The following BAZ2B variants were observed in gnomAD, a reference collection of about 807,000 sequenced individuals.
The protein encoded by BAZ2B is bromodomain adjacent to zinc finger domain protein 2B.
BAZ2B carries 91 observed loss-of-function variants against 246.0 expected under a neutral mutation model. The observed-to-expected ratio is 0.37, with a 90% CI of 0.31 to 0.44. The LOEUF is 0.44. Among genes scored for constraint, BAZ2B ranks in the 20% least tolerant of loss-of-function variants. The probability of loss-of-function intolerance (pLI) is 1.00; values close to 1 mark genes in which losing one functional copy is unlikely to be tolerated. For synonymous variants in BAZ2B, 855 were observed against 860.0 expected (o/e 0.99, Z 0.10); for missense variants, 2,332 against 2,533.7 (o/e 0.92, Z 1.71).
intron 33 of BAZ2B, among the ~76,000 whole-genome samples, chr2:159,336,114 T>C (rs1307263186): frequency 2.0e-5 from 3 of 152,176 alleles, no homozygotes; most frequent in East Asian, 1.9e-4. Context: ...TGAGCCAAGA[T>C]TGTGCCACTG....
chr2:159,703,067 A>G, the BAZ2B span, among the ~76,000 whole-genome samples: 1 of 137,370 alleles, frequency 7.3e-6, no homozygotes, highest in African/African-American at 2.8e-5. Flanking sequence ...AAAAACAAAC[A>G]AAACAAAAAC....
chr2:159,635,090 C>G, the BAZ2B span, among the ~76,000 whole-genome samples: 1 of 152,084 alleles, frequency 6.6e-6, no homozygotes, highest in African/African-American at 2.4e-5. Context: ...AATTTTGTGG[C>G]AACTTTAATG....
the BAZ2B span, among the ~76,000 whole-genome samples, chr2:159,669,459 T>C: frequency 6.6e-6 from 1 of 152,178 alleles, no homozygotes; most frequent in Non-Finnish European, 1.5e-5. Context: ...ATCAAATCGG[T>C]TCAAATCTTC....
At chr2:159,569,826 T>TA (rs920617911) in intron 1 of BAZ2B, among the ~76,000 whole-genome samples, 13 of 146,426 alleles carry the variant, frequency 8.9e-5, no homozygotes, top group Admixed American at 2.7e-4. Flanking sequence ...GCCTGTCTCA[T>TA]AAAAAAAAAA....
intron 14 of BAZ2B, among the ~76,000 whole-genome samples, chr2:159,408,969 G>C (rs1338384260): frequency 6.6e-6 from 1 of 150,632 alleles, no homozygotes; most frequent in Non-Finnish European, 1.5e-5. Flanking sequence ...ATACAGAGGA[G>C]AGAGAATGAG....
chr2:159,580,787 G>T (rs1056856068), intron 1 of BAZ2B, among the ~76,000 whole-genome samples: 3 of 152,066 alleles, frequency 2.0e-5, no homozygotes, highest in African/African-American at 7.2e-5. Flanking sequence ...TCTGATCTTT[G>T]ACAAACCTGA....
chr2:159,576,177 T>G (rs1278721213), intron 1 of BAZ2B, among the ~76,000 whole-genome samples: 1 of 152,182 alleles, frequency 6.6e-6, no homozygotes, highest in Non-Finnish European at 1.5e-5. Flanking sequence ...ACACTAGCTT[T>G]GTAATCTTGG....
the BAZ2B span, among the ~76,000 whole-genome samples, chr2:159,630,998 A>G: frequency 6.6e-6 from 1 of 152,264 alleles, no homozygotes; most frequent in African/African-American, 2.4e-5. Context: ...GTTAGAGACC[A>G]GCCTCGGCAA....
intron 1 of BAZ2B, among the ~76,000 whole-genome samples, chr2:159,585,235 C>T (rs893830015): frequency 1.3e-5 from 2 of 152,110 alleles, no homozygotes; most frequent in African/African-American, 2.4e-5. Context: ...TAAGATGCTT[C>T]GTCAGTGTGC....
intron 27 of BAZ2B, among the ~76,000 whole-genome samples, chr2:159,352,919 C>T (rs959411809): frequency 5.9e-5 from 9 of 152,124 alleles, no homozygotes; most frequent in Non-Finnish European, 4.4e-5. Flanking sequence ...GTGGAAGGAT[C>T]GCTTGAGCCC....
intron 13 of BAZ2B, among the ~76,000 whole-genome samples, chr2:159,420,565 T>G (rs2068571958): frequency 6.6e-6 from 1 of 152,192 alleles, no homozygotes; most frequent in Admixed American, 6.5e-5. Context: ...CTTAAGGTCT[T>G]TATGCTTAGA....
the BAZ2B span, among the ~76,000 whole-genome samples, chr2:159,672,143 G>T: frequency 6.6e-6 from 1 of 151,920 alleles, no homozygotes; most frequent in Admixed American, 6.6e-5. Flanking sequence ...TGTATAAGAC[G>T]TGAGAATAGT....
At chr2:159,337,228 A>T in intron 32 of BAZ2B, 151 bp from the exon 33 acceptor site, 1 of 1,102,446 alleles carries the variant, frequency 9.1e-7, no homozygotes, top group Non-Finnish European at 1.3e-6. Flanking sequence ...GATGTAGTGC[A>T]CAGACTGTGG....
At chr2:159,448,815 A>G (rs1434223938) in intron 4 of BAZ2B, among the ~76,000 whole-genome samples, 1 of 152,224 alleles carries the variant, frequency 6.6e-6, no homozygotes, top group Non-Finnish European at 1.5e-5. Context: ...TCCTCAAATT[A>G]CATACAATAT....
chr2:159,336,887 G>A, intron 33 of BAZ2B, 55 bp downstream of exon 33: 1 of 1,416,968 alleles, frequency 7.1e-7, no homozygotes, highest in Non-Finnish European at 9.6e-7. Context: ...CTGGAGGTTG[G>A]AAGAAACAGG....
At chr2:159,480,063 C>T (rs942155225) in intron 2 of BAZ2B, among the ~76,000 whole-genome samples, 1 of 152,078 alleles carries the variant, frequency 6.6e-6, no homozygotes, top group Non-Finnish European at 1.5e-5. Flanking sequence ...AACTAATGAA[C>T]TCTGAGACAT....
chr2:159,369,197 G>A (rs2060550561), intron 27 of BAZ2B, among the ~76,000 whole-genome samples: 1 of 152,142 alleles, frequency 6.6e-6, no homozygotes, highest in Admixed American at 6.6e-5. Flanking sequence ...GGATCAAGAA[G>A]GATGGGTGAA....
At chr2:159,410,303 T>C (rs2066614440) in intron 14 of BAZ2B, among the ~76,000 whole-genome samples, 2 of 152,218 alleles carry the variant, frequency 1.3e-5, no homozygotes, top group African/African-American at 4.8e-5. Flanking sequence ...AAAATCTGAC[T>C]ACCATACTGA....
intron 14 of BAZ2B, chr2:159,412,043 T>G: frequency 1.2e-6 from 1 of 843,612 alleles, no homozygotes; most frequent in Non-Finnish European, 1.4e-6. Context: ...TTAAGGCATG[T>G]GCCAAGTGCT....
Sources: gnomAD v4.1 joint callset for allele counts (sites outside exome capture counted in the v4.1 genomes callset) on GRCh38, gnomAD v4.1.1 for gene constraint, MANE v1.5 for transcripts, NCBI Gene and HGNC (gene_info 2026-07-23, HGNC 2026-07-21) for gene names.